The following RAP1GAP2 variants were observed in gnomAD, a reference collection of about 807,000 sequenced individuals.
The protein encoded by RAP1GAP2 is RAP1 GTPase activating protein 2.
Under a neutral mutation model 95.0 loss-of-function variants are expected in RAP1GAP2, and 27 were observed. That is an observed-to-expected ratio of 0.28 (90% CI 0.21 to 0.39). The LOEUF is 0.39. Ranked by LOEUF, RAP1GAP2 falls within the 10% of genes least tolerant of loss-of-function variation. RAP1GAP2 has a pLI of 1.00. For synonymous variants in RAP1GAP2, 373 were observed against 380.9 expected, an observed-to-expected ratio of 0.98 and a Z score of 0.24; for missense variants, 771 against 970.0, an observed-to-expected ratio of 0.79 and a Z score of 2.72.
In RAP1GAP2 at chr17:3,012,448, T is replaced by A. The variant is rs1428378259; in HGVS notation, c.1494+4303T>A. Among the ~76,000 whole-genome samples, 3 of 151,668 alleles carry A rather than the reference T, an allele frequency of 2.0e-5. No individual in the cohort carries two copies. The East Asian group carries it at 5.8e-4, about 29-fold the overall frequency. ...GCCTGGCCAACGTGGTGAAACCCTGTCTCTACTAAAAATACAAAAATCAGA... is the reference window on the plus strand; with the variant it reads ...GCCTGGCCAACGTGGTGAAACCCTGACTCTACTAAAAATACAAAAATCAGA... On this transcript the variant is annotated intron_variant, in intron 17 of 24. Transcript: ENST00000254695.
intron 19 of RAP1GAP2, among the ~76,000 whole-genome samples, chr17:3,021,785 A>G (rs1249042204): frequency 6.6e-6 from 1 of 152,206 alleles, no homozygotes; most frequent in Non-Finnish European, 1.5e-5. Flanking sequence ...ATGACCTCCA[A>G]TTCTACCCAT....
At chr17:2,878,231 C>T (rs2073160157) in intron 2 of RAP1GAP2, among the ~76,000 whole-genome samples, 1 of 152,004 alleles carries the variant, frequency 6.6e-6, no homozygotes, top group African/African-American at 2.4e-5. Context: ...CACATTGTGC[C>T]TTTAATTGCA....
At chr17:2,781,089 G>A (rs953117998) in intron 1 of RAP1GAP2, among the ~76,000 whole-genome samples, 1 of 152,236 alleles carries the variant, frequency 6.6e-6, no homozygotes, top group Non-Finnish European at 1.5e-5. Flanking sequence ...ACAAGGCTGT[G>A]CCGAGCCCCT....
chr17:2,982,515 G>A (rs2045404500), intron 10 of RAP1GAP2, among the ~76,000 whole-genome samples: 1 of 152,294 alleles, frequency 6.6e-6, no homozygotes, highest in Non-Finnish European at 1.5e-5. Context: ...GTGGCTGAGC[G>A]AATGGCGGAG....
At chr17:2,776,482 G>A (rs2068501504), upstream of RAP1GAP2, among the ~76,000 whole-genome samples, 1 of 152,006 alleles carries the variant, frequency 6.6e-6, no homozygotes, top group South Asian at 2.1e-4. Flanking sequence ...CGGAGGAGCC[G>A]CCTTGGGCAG....
chr17:2,946,815 C>T (rs148056867), intron 3 of RAP1GAP2, among the ~76,000 whole-genome samples: 93 of 152,286 alleles, frequency 6.1e-4, no homozygotes, highest in African/African-American at 2.0e-3. Flanking sequence ...CGTGCAGTGG[C>T]GTGATCTCGG....
intron 3 of RAP1GAP2, among the ~76,000 whole-genome samples, chr17:2,926,864 G>T (rs1597628819): frequency 6.6e-6 from 1 of 151,780 alleles, no homozygotes; most frequent in Non-Finnish European, 1.5e-5. Flanking sequence ...AAATACTACA[G>T]GTGTGGTGGT....
chr17:2,995,553 G>A lies in RAP1GAP2; in HGVS notation c.1044+87G>A, dbSNP rs536815427. 2.7e-5 allele frequency: 42 copies of A among 1,543,280 alleles called. No homozygotes were observed. In the East Asian group the frequency reaches 2.7e-4, roughly 10 times the overall value. ...TCTGACCTGCTAAGAGGCTGTGGCC[G>A]TCCCCATATTCGTTCCCGTAGCCGG... is the stretch of plus-strand genomic sequence containing the variant. On this transcript the variant is annotated intron_variant, in intron 13 of 24. Coordinates refer to ENST00000254695, the MANE Select transcript of RAP1GAP2 (RefSeq NM_015085.5).
At chr17:2,896,330 A>C (rs2151709231) in intron 2 of RAP1GAP2, among the ~76,000 whole-genome samples, 2 of 152,178 alleles carry the variant, frequency 1.3e-5, no homozygotes, top group Admixed American at 1.3e-4. Context: ...CTCAAAACAC[A>C]CAAGAAGACG....
rs192517929 is a variant in RAP1GAP2, at chr17:2,873,823, C to T, written c.81-31461C>T. ...TGTTGCTCAGGCTGGAGTGCAGTGG[C>T]GCGATCTCAGCTCACTGCAACCTCC... On this transcript the variant is annotated intron_variant, in intron 2 of 24. Coordinates refer to ENST00000254695, the MANE Select transcript of RAP1GAP2 (RefSeq NM_015085.5). 3.1e-3 allele frequency among the ~76,000 whole-genome samples: 471 copies of T among 152,138 alleles called. 1 individual carries two copies. Among genetic ancestry groups the T allele is most frequent in the Non-Finnish European group, 4.6e-3 (313 of 68,004 alleles).
chr17:2,769,331 G>C (rs1208644878), intron 1 of RAP1GAP2, among the ~76,000 whole-genome samples: 1 of 149,360 alleles, frequency 6.7e-6, no homozygotes, highest in Non-Finnish European at 1.5e-5. Context: ...CGAGGCGGGC[G>C]GATCACGAGG....
Position 2,853,725 on chromosome 17 carries a change from G to A in RAP1GAP2, c.81-51559G>A, listed in dbSNP as rs1223206431. Among the ~76,000 whole-genome samples, 16 of 145,676 alleles carry A rather than the reference G, an allele frequency of 1.1e-4. No individual in the cohort carries two copies. In the East Asian group the frequency reaches 3.0e-3, roughly 28 times the overall value. The stretch of plus-strand genomic sequence containing the variant: ...AGCGGGAGCCGGGAGCCGCCGGCCC[G>A]GGCCGCGCCCCGAGCGAGCCTCGGA... On this transcript the variant is annotated intron_variant, in intron 2 of 24. Transcript: ENST00000254695.
intron 16 of RAP1GAP2, among the ~76,000 whole-genome samples, 191 bp from the exon 17 acceptor site, chr17:3,007,820 C>T (rs931013707): frequency 3.9e-5 from 6 of 152,054 alleles, no homozygotes; most frequent in African/African-American, 1.2e-4. Context: ...AGCAGGAGGC[C>T]GAGCACGCAG....
chr17:3,026,503 G>A, intron 21 of RAP1GAP2, 39 bp downstream of exon 21: 1 of 1,460,796 alleles, frequency 6.8e-7, no homozygotes, highest in South Asian at 1.3e-5. Context: ...GGCACTCTGG[G>A]GCGTCAGCCA....
chr17:3,021,430 CT>C (rs57099220), intron 19 of RAP1GAP2, among the ~76,000 whole-genome samples: 111 of 95,762 alleles, frequency 1.2e-3, no homozygotes, highest in African/African-American at 3.3e-3. Flanking sequence ...CGATATTTGT[CT>C]TTTTTTTTTT....
chr17:2,868,977 G>T (rs975993575), intron 2 of RAP1GAP2, among the ~76,000 whole-genome samples: 2 of 152,024 alleles, frequency 1.3e-5, no homozygotes, highest in African/African-American at 2.4e-5. Context: ...TCTCATGAGG[G>T]CTCAAATCCT....
At chr17:2,773,078 G>C (rs1056409985), upstream of RAP1GAP2, among the ~76,000 whole-genome samples, 5 of 151,750 alleles carry the variant, frequency 3.3e-5, no homozygotes, top group African/African-American at 7.3e-5. Flanking sequence ...GGCTGGTCTC[G>C]AACTCCTCGA....
At chr17:2,911,871 C>T (rs1457054613) in intron 3 of RAP1GAP2, among the ~76,000 whole-genome samples, 2 of 152,220 alleles carry the variant, frequency 1.3e-5, no homozygotes, top group Non-Finnish European at 2.9e-5. Context: ...CTGAAGTCCA[C>T]TCTGCTGGGA....
chr17:2,776,650 G>T (rs952348308), upstream of RAP1GAP2, among the ~76,000 whole-genome samples: 1 of 151,166 alleles, frequency 6.6e-6, no homozygotes, highest in African/African-American at 2.4e-5. Context: ...GCGGGAGCAC[G>T]AGGACCCCGG....
Sources: gnomAD v4.1 joint callset for allele counts (sites outside exome capture counted in the v4.1 genomes callset) on GRCh38, gnomAD v4.1.1 for gene constraint, MANE v1.5 for transcripts, NCBI Gene and HGNC (gene_info 2026-07-23, HGNC 2026-07-21) for gene names.